Variants in RGS7 observed in about 807,000 individuals in gnomAD.
The protein encoded by RGS7 is regulator of G protein signaling 7.
In RGS7, 27 loss-of-function variants were observed where a neutral mutation model predicts 81.1. That is an observed-to-expected ratio of 0.33 (90% confidence interval 0.25 to 0.46). The LOEUF is 0.46. Among genes scored for constraint, RGS7 ranks in the 20% least tolerant of loss-of-function variants. The pLI, the probability that RGS7 is intolerant of heterozygous loss-of-function variation, is 1.00. For synonymous variants in RGS7, 208 were observed against 207.7 expected, an observed-to-expected ratio of 1.00 and a Z score of -0.01; for missense variants, 396 against 607.4, an observed-to-expected ratio of 0.65 and a Z score of 3.66.
intron 2 of RGS7, among the ~76,000 whole-genome samples, chr1:241,296,420 A>G (rs1030990994): frequency 6.6e-6 from 1 of 152,240 alleles, no homozygotes; most frequent in Non-Finnish European, 1.5e-5. Context: ...CGCTACTGGA[A>G]ATAGTGATTA....
intron 4 of RGS7, among the ~76,000 whole-genome samples, chr1:240,957,617 A>G (rs1308086443): frequency 2.0e-5 from 3 of 152,230 alleles, no homozygotes; most frequent in Non-Finnish European, 2.9e-5. Flanking sequence ...AGGAAATCAG[A>G]AAGTATTGAC....
intron 4 of RGS7, among the ~76,000 whole-genome samples, chr1:240,957,272 T>C (rs1445613960): frequency 6.6e-6 from 1 of 152,232 alleles, no homozygotes; most frequent in Non-Finnish European, 1.5e-5. Context: ...CTCCAGGTTC[T>C]TCAGCTTTTG....
At chr1:240,793,611 A>ATATATATATATTTTTT in intron 18 of RGS7, among the ~76,000 whole-genome samples, 26 of 78,796 alleles carry the variant, frequency 3.3e-4, no homozygotes, top group African/African-American at 2.1e-3. Context: ...ATATATATAT[A>ATATATATATATTTTTT]TTTTTTTTTT....
chr1:241,244,326 A>T (rs2076411113), intron 2 of RGS7, among the ~76,000 whole-genome samples: 1 of 152,232 alleles, frequency 6.6e-6, no homozygotes, highest in Non-Finnish European at 1.5e-5. Flanking sequence ...TCAAAAGAAG[A>T]CATTTATGCA....
At chr1:241,133,965 A>C (rs968005939) in intron 2 of RGS7, among the ~76,000 whole-genome samples, 42 of 152,194 alleles carry the variant, frequency 2.8e-4, no homozygotes, top group Admixed American at 2.4e-3. Flanking sequence ...AAAGGGAGAC[A>C]GAGAATGAAT....
chr1:241,341,071 C>T (rs757186733), intron 2 of RGS7, among the ~76,000 whole-genome samples: 46 of 152,140 alleles, frequency 3.0e-4, no homozygotes, highest in Non-Finnish European at 5.4e-4. Flanking sequence ...TTGTGTGATC[C>T]TGATTTTCCA....
intron 3 of RGS7, among the ~76,000 whole-genome samples, chr1:241,001,252 A>G (rs1405260189): frequency 6.6e-6 from 1 of 152,236 alleles, no homozygotes; most frequent in Non-Finnish European, 1.5e-5. Flanking sequence ...AAATGTTAGC[A>G]TCTCTTCCAT....
At chr1:241,181,311 G>C (rs4660041) in intron 2 of RGS7, among the ~76,000 whole-genome samples, 1 of 152,052 alleles carries the variant, frequency 6.6e-6, no homozygotes, top group Non-Finnish European at 1.5e-5. Flanking sequence ...ATACGGATAC[G>C]GGGTATAGGA....
At chr1:241,236,812 C>A (rs2076004698) in intron 2 of RGS7, among the ~76,000 whole-genome samples, 1 of 146,910 alleles carries the variant, frequency 6.8e-6, no homozygotes, top group Non-Finnish European at 1.5e-5. Flanking sequence ...GGATCAAGGA[C>A]TCAACATAAT....
intron 2 of RGS7, among the ~76,000 whole-genome samples, chr1:241,311,002 C>A (rs1393976216): frequency 6.6e-6 from 1 of 152,132 alleles, no homozygotes; most frequent in African/African-American, 2.4e-5. Flanking sequence ...GGTTCTGACA[C>A]GGACTAATTT....
At chr1:241,018,207 C>T (rs1321463519) in intron 3 of RGS7, among the ~76,000 whole-genome samples, 2 of 140,878 alleles carry the variant, frequency 1.4e-5, no homozygotes, top group Non-Finnish European at 3.0e-5. Flanking sequence ...TGGTCTCAAA[C>T]TCCTGACTCA....
intron 2 of RGS7, among the ~76,000 whole-genome samples, chr1:241,232,772 A>G (rs945793565): frequency 6.6e-6 from 1 of 151,804 alleles, no homozygotes; most frequent in African/African-American, 2.4e-5. Flanking sequence ...GAATCTTCCT[A>G]TCTGTGAACA....
intron 3 of RGS7, among the ~76,000 whole-genome samples, chr1:241,049,778 G>A (rs2061150608): frequency 6.6e-6 from 1 of 152,158 alleles, no homozygotes; most frequent in African/African-American, 2.4e-5. Context: ...AAGCTGAGGA[G>A]CTGCTGAACA....
At chr1:240,898,016 T>C (rs1284212510) in intron 6 of RGS7, among the ~76,000 whole-genome samples, 1 of 152,182 alleles carries the variant, frequency 6.6e-6, no homozygotes. Context: ...CTTGGGAGTG[T>C]GTATGTGTCC....
chr1:241,113,585 C>T (rs543193676), intron 2 of RGS7, among the ~76,000 whole-genome samples: 12 of 152,336 alleles, frequency 7.9e-5, no homozygotes, highest in African/African-American at 2.6e-4. Context: ...CGTTTTGATA[C>T]TCGCATGGAT....
intron 2 of RGS7, among the ~76,000 whole-genome samples, chr1:241,207,316 T>C (rs1474314761): frequency 1.4e-5 from 2 of 145,378 alleles, no homozygotes; most frequent in Admixed American, 7.1e-5. Context: ...TGTTCATCAC[T>C]GTGCCAGGTA....
At chr1:241,290,929 T>C (rs2079054511) in intron 2 of RGS7, among the ~76,000 whole-genome samples, 1 of 152,200 alleles carries the variant, frequency 6.6e-6, no homozygotes, top group Non-Finnish European at 1.5e-5. Context: ...CAATTAACCA[T>C]GATACAATGG....
intron 2 of RGS7, among the ~76,000 whole-genome samples, chr1:241,199,573 A>T (rs1235724495): frequency 6.6e-6 from 1 of 152,090 alleles, no homozygotes; most frequent in Non-Finnish European, 1.5e-5. Flanking sequence ...CATGTACAAG[A>T]GGTCCTAGTC....
intron 18 of RGS7, among the ~76,000 whole-genome samples, chr1:240,780,478 T>C (rs373929176): frequency 2.3e-4 from 35 of 150,624 alleles, no homozygotes; most frequent in African/African-American, 7.6e-4. Flanking sequence ...GCTTCCTCTT[T>C]GTGGGATGAA....
Sources: gnomAD v4.1 joint callset for allele counts (sites outside exome capture counted in the v4.1 genomes callset) on GRCh38, gnomAD v4.1.1 for gene constraint, MANE v1.5 for transcripts, NCBI Gene and HGNC (gene_info 2026-07-23, HGNC 2026-07-21) for gene names.